RUFY3: variants seen among roughly 807,000 people sequenced by gnomAD.
RUFY3 encodes RUN and FYVE domain containing 3.
A neutral mutation model predicts 84.0 loss-of-function variants in RUFY3; 34 were observed. That is an observed-to-expected ratio of 0.40 (90% CI 0.31 to 0.54). The LOEUF is 0.54. Ranked by LOEUF, RUFY3 falls within the 20% of genes least tolerant of loss-of-function variation. The probability of loss-of-function intolerance (pLI) is 0.39; values close to 1 mark genes in which losing one functional copy is unlikely to be tolerated. For missense variants in RUFY3, 507 were observed against 736.8 expected (o/e 0.69, Z 3.61); for synonymous variants, 242 against 252.9 (o/e 0.96, Z 0.41).
At chr4:70,794,579 C>CA (rs898991793) in intron 13 of RUFY3, 18 of 509,502 alleles carry the variant, frequency 3.5e-5, no homozygotes, top group African/African-American at 2.8e-4. Context: ...GACTCCATCT[C>CA]AAAAAAAGGT....
chr4:70,722,547 G>T lies in RUFY3; in HGVS notation c.-27G>T, dbSNP rs772187726. 63 of 1,605,146 alleles carry T rather than the reference G, an allele frequency of 3.9e-5. No individual in the cohort carries two copies. Among genetic ancestry groups the T allele is most frequent in the Non-Finnish European group, 5.1e-5 (60 of 1,175,370 alleles). The stretch of plus-strand genomic sequence containing the variant: ...TGTGTGAGTGTGTGTGTGTCTGTGT[G>T]TGTGTTGTGGTCCCAGCTGAGTCAT... On this transcript the variant is annotated 5_prime_UTR_variant, in exon 1 of 18. Transcript: ENST00000381006.
chr4:70,744,714 C>G (rs113557673), intron 1 of RUFY3, among the ~76,000 whole-genome samples: 23,215 of 144,304 alleles, frequency 0.16, 4,391 homozygotes, highest in African/African-American at 0.47. Context: ...GAGTGCAATG[C>G]TATGATATCA....
chr4:70,752,432 C>T (rs1723282440), intron 1 of RUFY3, among the ~76,000 whole-genome samples: 1 of 152,116 alleles, frequency 6.6e-6, no homozygotes, highest in African/African-American at 2.4e-5. Flanking sequence ...CCTACTTGCC[C>T]TGGCAAGACT....
intron 16 of RUFY3, 77 bp downstream of exon 16, chr4:70,803,060 G>T: frequency 5.6e-6 from 6 of 1,078,178 alleles, no homozygotes; most frequent in Non-Finnish European, 7.0e-6. Flanking sequence ...AGCAAATAAG[G>T]TAGCATGGGC....
chr4:70,708,901 A>C (rs1462098845), intron 1 of RUFY3, among the ~76,000 whole-genome samples: 1 of 152,174 alleles, frequency 6.6e-6, no homozygotes, highest in African/African-American at 2.4e-5. Flanking sequence ...TTTTAAATTA[A>C]AAATAAGTTA....
At chr4:70,782,969 A>G (rs1270366057) in intron 8 of RUFY3, 122 bp from the exon 9 acceptor site, 8 of 631,184 alleles carry the variant, frequency 1.3e-5, no homozygotes, top group East Asian at 2.9e-5. Context: ...TTATTGGGTT[A>G]TAGCTTCCTT....
intron 1 of RUFY3, among the ~76,000 whole-genome samples, chr4:70,754,975 C>T (rs1362761665): frequency 6.6e-6 from 1 of 151,398 alleles, no homozygotes; most frequent in Non-Finnish European, 1.5e-5. Flanking sequence ...GTGATCTTGG[C>T]TCACTGCAAC....
intron 1 of RUFY3, among the ~76,000 whole-genome samples, chr4:70,738,256 T>C (rs551397768): frequency 2.0e-5 from 3 of 152,100 alleles, no homozygotes; most frequent in South Asian, 4.1e-4. Flanking sequence ...CCCAAAGTGC[T>C]GGGATTACAA....
At chr4:70,742,229 A>G (rs534211749) in intron 1 of RUFY3, among the ~76,000 whole-genome samples, 80 of 152,372 alleles carry the variant, frequency 5.3e-4, no homozygotes, top group African/African-American at 1.8e-3. Context: ...CACATGTTCT[A>G]ATGTGGAAAG....
intron 1 of RUFY3, among the ~76,000 whole-genome samples, chr4:70,755,429 T>C (rs1185250437): frequency 6.6e-6 from 1 of 152,240 alleles, no homozygotes. Context: ...AAGATTTTGC[T>C]GTATGAACAT....
rs753296457 is a variant in RUFY3 at position 70,789,565 on chromosome 4, C to T, written c.1310C>T (p.Ala437Val). 8.1e-6 allele frequency: 13 copies of T among 1,612,568 alleles called. No homozygotes were observed. The highest frequency in any genetic ancestry group is 9.3e-6 in the Non-Finnish European group (11 of 1,179,250). ...TTGGAAGAGAAGACTAATCAGATGGCTGCTACCATTAAACAACTTGAACAA... is the reference window on the plus strand; with the variant it reads ...TTGGAAGAGAAGACTAATCAGATGGTTGCTACCATTAAACAACTTGAACAA... The part of the protein sequence containing the change: ...SRLEEKTNQM[A>V]ATIKQLEQRL... Residue 437 changes from alanine to valine, a missense_variant, in exon 12 of 18, where the codon GCT becomes GTT. Physicochemically the swap from Ala to Val is moderately conservative, Grantham distance 64 (BLOSUM62 0). Around this residue, in one of 4 missense-constraint regions of RUFY3, gnomAD observed 334 missense variants for 364.1 expected, o/e 0.92. Transcript: ENST00000381006.
intron 1 of RUFY3, among the ~76,000 whole-genome samples, chr4:70,752,152 G>C (rs1416102773): frequency 1.3e-5 from 2 of 152,094 alleles, no homozygotes; most frequent in Non-Finnish European, 2.9e-5. Flanking sequence ...CTTTTGTTAA[G>C]TTTATTGGTA....
At chr4:70,740,090 A>G (rs1223613739) in intron 1 of RUFY3, among the ~76,000 whole-genome samples, 1 of 152,156 alleles carries the variant, frequency 6.6e-6, no homozygotes, top group East Asian at 1.9e-4. Context: ...GAAAAGATTT[A>G]AGCTGGTGGC....
intron 1 of RUFY3, among the ~76,000 whole-genome samples, chr4:70,756,112 A>G (rs1723975909): frequency 6.6e-6 from 1 of 152,146 alleles, no homozygotes; most frequent in African/African-American, 2.4e-5. Flanking sequence ...CGCCAAAACT[A>G]CAAATAGGGA....
intron 1 of RUFY3, among the ~76,000 whole-genome samples, chr4:70,707,220 C>CGTGAT (rs1740434165): frequency 6.6e-6 from 1 of 152,318 alleles, no homozygotes; most frequent in East Asian, 1.9e-4. Flanking sequence ...GTTTCATGAG[C>CGTGAT]GTGATCTCAG....
chr4:70,797,374 C>T (rs1413165669), intron 14 of RUFY3, among the ~76,000 whole-genome samples: 1 of 152,096 alleles, frequency 6.6e-6, no homozygotes, highest in African/African-American at 2.4e-5. Flanking sequence ...ACAGTCTTTT[C>T]GTAATACGCG....
intron 4 of RUFY3, among the ~76,000 whole-genome samples, chr4:70,765,523 A>C (rs1725737800): frequency 6.6e-6 from 1 of 152,128 alleles, no homozygotes; most frequent in Non-Finnish European, 1.5e-5. Context: ...CAGTTAGCTG[A>C]GATTTGGAAA....
At chr4:70,733,038 AC>A (rs1019736949) in intron 1 of RUFY3, among the ~76,000 whole-genome samples, 51 of 148,654 alleles carry the variant, frequency 3.4e-4, no homozygotes, top group African/African-American at 1.1e-3. Context: ...CTGCACTCTA[AC>A]CTGGGCAACA....
chr4:70,786,150 CAGAA>C (rs1204976664), intron 10 of RUFY3, among the ~76,000 whole-genome samples: 2 of 152,074 alleles, frequency 1.3e-5, no homozygotes, highest in African/African-American at 4.8e-5. Context: ...AAGCCAAACA[CAGAA>C]AGAGAAATGC....
Sources: gnomAD v4.1 joint callset for allele counts (sites outside exome capture counted in the v4.1 genomes callset) on GRCh38, gnomAD v4.1.1 for gene constraint, gnomAD v4.1.1 regional missense constraint, MANE v1.5 for transcripts, NCBI Gene and HGNC (gene_info 2026-07-23, HGNC 2026-07-21) for gene names.